Variants in GLB1 observed in about 807,000 individuals in gnomAD.
The protein encoded by GLB1 is beta-galactosidase.
Under a neutral mutation model 74.0 loss-of-function variants are expected in GLB1, and 56 were observed. That is an observed-to-expected ratio of 0.76 (90% CI 0.61 to 0.94). The LOEUF (loss-of-function observed/expected upper bound fraction) is 0.94, where lower values mean the gene tolerates loss of function less well. Among genes scored for constraint, GLB1 ranks in the 40% least tolerant of loss-of-function variants. GLB1 has a pLI of 0.00. For missense variants in GLB1, 787 were observed against 845.5 expected (o/e 0.93, Z 0.86); for synonymous variants, 323 against 323.6 (o/e 1.00, Z 0.02).
At chr3:33,011,516 G>C (rs1229935230) in intron 15 of GLB1, among the ~76,000 whole-genome samples, 1 of 150,296 alleles carries the variant, frequency 6.7e-6, no homozygotes, top group Non-Finnish European at 1.5e-5. Context: ...GTGGTGGTGT[G>C]TGCCTGTAGT....
intron 15 of GLB1, among the ~76,000 whole-genome samples, chr3:33,007,596 C>T (rs541190229): frequency 6.6e-6 from 1 of 152,266 alleles, no homozygotes; most frequent in Admixed American, 6.5e-5. Flanking sequence ...TACTACATTT[C>T]GTTTATTCAT....
chr3:33,093,250 C>T lies in GLB1; in HGVS notation c.75+3761G>A. The T allele has an allele frequency of 3.7e-6, 6 of 1,614,140 alleles. No individual in the cohort carries two copies. Among genetic ancestry groups the T allele is most frequent in the Non-Finnish European group, 5.1e-6 (6 of 1,180,012 alleles). Reference sequence around the variant, plus strand: ...TCACTCCCACTGCCACTGCCACCACCACCACGTTGGGCCCGTGTGGCGGAA... The same window carrying T: ...TCACTCCCACTGCCACTGCCACCACTACCACGTTGGGCCCGTGTGGCGGAA... On this transcript the variant is annotated intron_variant, in intron 1 of 15. Coordinates refer to ENST00000307363, the MANE Select transcript of GLB1 (RefSeq NM_000404.4). This position sits in a 1 kb window ranked among gnomAD's most constrained non-coding sequence, Gnocchi z 6.0.
intron 10 of GLB1, among the ~76,000 whole-genome samples, chr3:33,026,492 C>G (rs1310152960): frequency 6.6e-6 from 1 of 152,052 alleles, no homozygotes; most frequent in Non-Finnish European, 1.5e-5. Context: ...TAGACAGGCT[C>G]CTGGGTGGAA....
the GLB1 span, among the ~76,000 whole-genome samples, chr3:32,981,420 A>AAC: frequency 6.7e-6 from 1 of 150,358 alleles, no homozygotes; most frequent in African/African-American, 2.4e-5. Flanking sequence ...AAAAAAAGAA[A>AAC]AAGAAAAAGA....
At chr3:33,095,105 G>A (rs1209563357) in intron 1 of GLB1, among the ~76,000 whole-genome samples, 1 of 151,602 alleles carries the variant, frequency 6.6e-6, no homozygotes, top group African/African-American at 2.4e-5. Flanking sequence ...CAGCTACTCG[G>A]GAGGCTGAGG....
chr3:33,037,747 A>G (rs2125500662), intron 10 of GLB1, among the ~76,000 whole-genome samples: 1 of 152,362 alleles, frequency 6.6e-6, no homozygotes, highest in East Asian at 1.9e-4. Flanking sequence ...GGCACTGTCA[A>G]CAGAGGCTTT....
At chr3:33,058,465 C>T (rs576358213) in intron 5 of GLB1, among the ~76,000 whole-genome samples, 196 bp from the exon 6 acceptor site, 1 of 152,190 alleles carries the variant, frequency 6.6e-6, no homozygotes, top group East Asian at 1.9e-4. Context: ...AAGTTTACCT[C>T]CTATTAACCC....
Position 33,014,066 on chromosome 3 carries a change from C to T in GLB1, c.1724G>A (p.Gly575Glu), listed in dbSNP as rs1424732250. 1 of 1,614,212 alleles carries T rather than the reference C, an allele frequency of 6.2e-7. No homozygotes were observed. The highest frequency in any genetic ancestry group is 8.5e-7 in the Non-Finnish European group (1 of 1,180,038). The change falls in exon 15 of 16, where the codon GGA becomes GAA. Residue 575 changes from glycine to glutamate, a missense_variant. Transcript: ENST00000307363. Reference sequence around the variant, plus strand: ...CATGAAGACACGTACCTTGGTCCATCCAGGAAACTGGATAAAGGTGTCCTG... The same window carrying T: ...CATGAAGACACGTACCTTGGTCCATTCAGGAAACTGGATAAAGGTGTCCTG... The part of the protein sequence containing the change: ...LPQDTFIQFP[G>E]WTKGQVWING...
intron 1 of GLB1, among the ~76,000 whole-genome samples, chr3:33,081,038 C>A (rs1170297062): frequency 1.3e-5 from 2 of 152,182 alleles, no homozygotes; most frequent in East Asian, 3.9e-4. Flanking sequence ...ACTGGCTCCA[C>A]CCCTGGAGCG....
At chr3:33,067,854 C>G (rs1699746897) in intron 4 of GLB1, among the ~76,000 whole-genome samples, 1 of 152,098 alleles carries the variant, frequency 6.6e-6, no homozygotes, top group Non-Finnish European at 1.5e-5. Context: ...CAAAATACCT[C>G]CCCCTTTTGA....
intron 4 of GLB1, among the ~76,000 whole-genome samples, chr3:33,067,984 C>T (rs896536308): frequency 5.9e-5 from 9 of 152,184 alleles, no homozygotes; most frequent in African/African-American, 2.2e-4. Flanking sequence ...CTCCAGGGTT[C>T]AAGCAATCCT....
intron 2 of GLB1, 61 bp from the exon 3 acceptor site, chr3:33,069,031 G>A: frequency 6.2e-7 from 1 of 1,613,562 alleles, no homozygotes; most frequent in Non-Finnish European, 8.5e-7. Flanking sequence ...AAAGAAGCGT[G>A]GGGAAAGGGC....
Position 33,077,282 on chromosome 3 carries a change from G to A in GLB1, c.76-4569C>T, listed in dbSNP as rs1384692188. The A allele has an allele frequency of 1.9e-6, 3 of 1,573,162 alleles. No individual in the cohort carries two copies. The African/African-American group carries it at 4.0e-5, about 21-fold the overall frequency. ...TAATTTGAAGGTGGCAGGGCAGGAG[G>A]GTTCTGTGGTGCAGTTTAGGATTAA... On this transcript the variant is annotated intron_variant, in intron 1 of 15. Coordinates refer to ENST00000307363, the MANE Select transcript of GLB1 (RefSeq NM_000404.4).
At chr3:33,078,481 G>A (rs116739516) in intron 1 of GLB1, among the ~76,000 whole-genome samples, 2,756 of 152,280 alleles carry the variant, frequency 0.018, 67 homozygotes, top group East Asian at 0.075. Context: ...ACGAAGTACA[G>A]TCTCATCTAG....
intron 1 of GLB1, chr3:33,096,598 G>T: frequency 1.9e-6 from 2 of 1,044,056 alleles, no homozygotes; most frequent in Non-Finnish European, 2.3e-6. Flanking sequence ...CTTCCGGAGC[G>T]CTCCGCAGAG....
chr3:33,042,795 C>T (rs4678613), intron 10 of GLB1, among the ~76,000 whole-genome samples: 102,370 of 152,092 alleles, frequency 0.67, 35,482 homozygotes, highest in Middle Eastern at 0.82. Context: ...CTTGTCCAGG[C>T]GGAGATATGC....
intron 10 of GLB1, among the ~76,000 whole-genome samples, chr3:33,024,968 G>A (rs1338069357): frequency 4.7e-5 from 7 of 148,456 alleles, no homozygotes; most frequent in Non-Finnish European, 1.0e-4. Flanking sequence ...TTTTTGAGAC[G>A]AAGTCTCGGT....
the GLB1 span, among the ~76,000 whole-genome samples, chr3:32,985,428 T>C: frequency 4.6e-5 from 7 of 151,934 alleles, no homozygotes; most frequent in South Asian, 1.5e-3. Flanking sequence ...GTAGCTGGGA[T>C]TACAGGTGCC....
Position 33,034,254 on chromosome 3 carries a change from T to C in GLB1, c.1069-9929A>G. ...AGGAGCTCAGATGGGGCCATCTTCCTGCTGACTTATACAGGGGAAGGCCAA... is the reference window on the plus strand; with the variant it reads ...AGGAGCTCAGATGGGGCCATCTTCCCGCTGACTTATACAGGGGAAGGCCAA... On this transcript the variant is annotated intron_variant, in intron 10 of 15. Transcript: ENST00000307363. 7.3e-6 allele frequency: 5 copies of C among 680,788 alleles called. 1 individual carries two copies. In the South Asian group the frequency reaches 7.9e-5, roughly 11 times the overall value. 42.2% of individuals were successfully genotyped at this position (680,788 alleles called of 1,614,324 possible). A position where few individuals can be genotyped will look rare whatever the true frequency, so the allele number is the denominator to read the frequency against.
Sources: gnomAD v4.1 joint callset for allele counts (sites outside exome capture counted in the v4.1 genomes callset) on GRCh38, gnomAD v4.1.1 for gene constraint, Gnocchi (gnomAD v3.1) non-coding constraint, MANE v1.5 for transcripts, NCBI Gene and HGNC (gene_info 2026-07-23, HGNC 2026-07-21) for gene names.